AAMDC: variants seen among roughly 807,000 people sequenced by gnomAD.
AAMDC encodes the protein adipogenesis associated Mth938 domain containing.
A neutral mutation model predicts 15.5 loss-of-function variants in AAMDC; 16 were observed. The ratio of observed to expected loss-of-function variants is 1.03; its 90% CI spans 0.70 to 1.57. The LOEUF is 1.57. AAMDC is among the 40% of genes most tolerant of loss of function. The pLI is 0.00. For missense variants in AAMDC, 141 were observed against 144.9 expected, an observed-to-expected ratio of 0.97 and a Z score of 0.14; for synonymous variants, 51 against 51.6, an observed-to-expected ratio of 0.99 and a Z score of 0.05.
chr11:77,887,342 G>C (rs371530956), intron 5 of AAMDC, among the ~76,000 whole-genome samples: 2 of 151,820 alleles, frequency 1.3e-5, no homozygotes, highest in Non-Finnish European at 2.9e-5. Flanking sequence ...TCTCAATAGA[G>C]GCAGAAAAGG....
intron 5 of AAMDC, among the ~76,000 whole-genome samples, chr11:77,896,707 T>C (rs1450947116): frequency 8.5e-6 from 1 of 118,202 alleles, no homozygotes; most frequent in Non-Finnish European, 1.9e-5. Context: ...AACAAAGAAA[T>C]TGAAATTACA....
At chr11:77,868,037 G>A (rs1951198414) in intron 2 of AAMDC, among the ~76,000 whole-genome samples, 1 of 148,540 alleles carries the variant, frequency 6.7e-6, no homozygotes, top group Non-Finnish European at 1.5e-5. Context: ...TGTTCTTCTA[G>A]TCTTTTTCTT....
chr11:77,891,638 C>T (rs369142490), intron 5 of AAMDC: 19 of 1,601,960 alleles, frequency 1.2e-5, no homozygotes, highest in East Asian at 6.7e-5. Context: ...GATTTTTGAC[C>T]GTCTGGACAG....
intron 5 of AAMDC, among the ~76,000 whole-genome samples, chr11:77,881,174 A>G (rs1373061685): frequency 1.3e-5 from 2 of 152,236 alleles, no homozygotes; most frequent in Non-Finnish European, 2.9e-5. Context: ...CATGCCTGGA[A>G]GAATATTTCT....
At chr11:77,853,968 T>C (rs1950504201) in intron 2 of AAMDC, among the ~76,000 whole-genome samples, 2 of 147,228 alleles carry the variant, frequency 1.4e-5, no homozygotes, top group African/African-American at 2.5e-5. Context: ...AATACAACCA[T>C]GCCTTCCCAA....
At chr11:77,840,966 C>T (rs1018389628) in intron 1 of AAMDC, 1 of 492,874 alleles carries the variant, frequency 2.0e-6, no homozygotes, top group Non-Finnish European at 3.6e-6. Flanking sequence ...TAACTGAATA[C>T]CTGAAACTGG....
exon 6 of AAMDC, chr11:77,900,630 T>C: frequency 4.3e-6 from 3 of 700,530 alleles, no homozygotes; most frequent in Non-Finnish European, 7.8e-6. Context: ...AAGTACTTTT[T>C]TGTATCAAAT....
intron 2 of AAMDC, among the ~76,000 whole-genome samples, chr11:77,858,486 C>T (rs775549169): frequency 2.6e-5 from 4 of 151,798 alleles, no homozygotes; most frequent in African/African-American, 4.8e-5. Flanking sequence ...ATCATTTTAA[C>T]GAGCTCTCTT....
downstream of AAMDC, among the ~76,000 whole-genome samples, chr11:77,875,952 G>A (rs1333567091): frequency 2.0e-5 from 3 of 152,196 alleles, no homozygotes; most frequent in African/African-American, 7.2e-5. Flanking sequence ...GAGCCATGAA[G>A]AGCCTTCAAG....
At chr11:77,877,920 A>G (rs1951643732) in intron 5 of AAMDC, among the ~76,000 whole-genome samples, 1 of 152,030 alleles carries the variant, frequency 6.6e-6, no homozygotes, top group Non-Finnish European at 1.5e-5. Context: ...TGCAGCATCA[A>G]CTCATCAGAG....
At chr11:77,856,111 C>CT (rs1242987243) in intron 2 of AAMDC, among the ~76,000 whole-genome samples, 11 of 152,154 alleles carry the variant, frequency 7.2e-5, no homozygotes, top group African/African-American at 2.6e-4. Flanking sequence ...GAGTGACACT[C>CT]TGTCTCAAAA....
intron 5 of AAMDC, chr11:77,891,501 G>A: frequency 6.2e-7 from 1 of 1,610,056 alleles, no homozygotes; most frequent in Non-Finnish European, 8.5e-7. Flanking sequence ...TTAAAGCCAG[G>A]TCATTCCTGG....
chr11:77,823,544 A>G (rs1949029190), intron 1 of AAMDC, among the ~76,000 whole-genome samples: 1 of 144,916 alleles, frequency 6.9e-6, no homozygotes, highest in African/African-American at 2.6e-5. Context: ...AGCCTGGGCA[A>G]GGTAGTGAGA....
intron 2 of AAMDC, among the ~76,000 whole-genome samples, chr11:77,857,315 T>C (rs2136227062): frequency 6.6e-6 from 1 of 152,270 alleles, no homozygotes; most frequent in East Asian, 1.9e-4. Flanking sequence ...GAAGGAGAAG[T>C]TTCCCAGGTA....
chr11:77,861,028 T>G (rs992512484), intron 2 of AAMDC, among the ~76,000 whole-genome samples: 4 of 152,182 alleles, frequency 2.6e-5, no homozygotes, highest in Non-Finnish European at 5.9e-5. Flanking sequence ...TTGTTGGGCC[T>G]TGGGTCTAAG....
At chr11:77,872,397 AACATTTTTGG>A (rs1457806498), downstream of AAMDC, 2 of 1,496,530 alleles carry the variant, frequency 1.3e-6, no homozygotes, top group African/African-American at 2.8e-5. Context: ...GCCTCCCCTA[AACATTTTTGG>A]ACACCTACTC....
chr11:77,838,156 T>G (rs1027014639), intron 1 of AAMDC, among the ~76,000 whole-genome samples: 30 of 152,190 alleles, frequency 2.0e-4, no homozygotes, highest in Non-Finnish European at 5.9e-5. Context: ...CTAATCGTCT[T>G]TAGTTGGAGA....
rs369514594 is a variant in AAMDC at position 77,864,174 on chromosome 11, G to A, written c.133-5548G>A. Among the ~76,000 whole-genome samples, 299 of 152,118 alleles carry A rather than the reference G, an allele frequency of 2.0e-3. 4 individuals carry two copies. Among genetic ancestry groups the A allele is most frequent in the African/African-American group, 7.0e-3 (291 of 41,528 alleles). On this transcript the variant is annotated intron_variant, in intron 2 of 3. Coordinates refer to ENST00000393427, the MANE Select transcript of AAMDC (RefSeq NM_024684.4). ...ACTCCTGACCTCAGGTGATACGCCC[G>A]CCTCAGCCTCCCAAAGTGTTGGGAT...
At chr11:77,853,529 C>G (rs1464444937) in intron 2 of AAMDC, among the ~76,000 whole-genome samples, 1 of 152,130 alleles carries the variant, frequency 6.6e-6, no homozygotes, top group Admixed American at 6.5e-5. Flanking sequence ...GGCCTCACAC[C>G]AGGCCCCTTC....
Sources: gnomAD v4.1 joint callset for allele counts (sites outside exome capture counted in the v4.1 genomes callset) on GRCh38, gnomAD v4.1.1 for gene constraint, MANE v1.5 for transcripts, NCBI Gene and HGNC (gene_info 2026-07-23, HGNC 2026-07-21) for gene names.